Variants in EXOC2 observed in about 807,000 individuals in gnomAD.
The protein encoded by EXOC2 is SEC5-like 1.
Under a neutral mutation model 131.8 loss-of-function variants are expected in EXOC2, and 70 were observed. The ratio of observed to expected loss-of-function variants is 0.53; its 90% CI spans 0.44 to 0.65. The LOEUF (loss-of-function observed/expected upper bound fraction) is 0.65, where lower values mean the gene tolerates loss of function less well. Ranked by LOEUF, EXOC2 falls within the 30% of genes least tolerant of loss-of-function variation. EXOC2 has a pLI of 0.00. For missense variants in EXOC2, 923 were observed against 1,108.6 expected, an observed-to-expected ratio of 0.83 and a Z score of 2.38; for synonymous variants, 411 against 398.4, an observed-to-expected ratio of 1.03 and a Z score of -0.38.
Position 617,829 on chromosome 6 carries a change from C to T in EXOC2, c.543G>A (p.Glu181=), listed in dbSNP as rs756017439. ...GGTTGGTGACTGCCATTTTGAGCTG[C>T]TCAAAACTGAAATGAAATAAAGAAA... ...LIENHSNTSF[E]QLKMAVTNLK... The change falls in exon 6 of 28, where the codon GAG becomes GAA. Residue 181 remains glutamate, a synonymous_variant. Transcript: ENST00000230449. The T allele has an allele frequency of 5.0e-6, 8 of 1,610,944 alleles. No individual in the cohort carries two copies. The highest frequency in any genetic ancestry group is 6.8e-6 in the Non-Finnish European group (8 of 1,179,034).
At chr6:511,829 T>C (rs560425947) in intron 23 of EXOC2, among the ~76,000 whole-genome samples, 4 of 152,386 alleles carry the variant, frequency 2.6e-5, no homozygotes, top group South Asian at 4.1e-4. Flanking sequence ...TTGCTTGTTA[T>C]TTCTCTTGAG....
At chr6:516,598 C>A (rs1765178368) in intron 23 of EXOC2, among the ~76,000 whole-genome samples, 1 of 152,216 alleles carries the variant, frequency 6.6e-6, no homozygotes, top group South Asian at 2.1e-4. Context: ...AGAACAGCAA[C>A]AAATTCAGGG....
intron 22 of EXOC2, among the ~76,000 whole-genome samples, chr6:541,030 G>A (rs138399922): frequency 1.9e-3 from 283 of 152,264 alleles, no homozygotes; most frequent in Middle Eastern, 0.014. Context: ...TATCCAAAAC[G>A]TAAGGACACG....
At position 619,558 on chromosome 6, in the gene EXOC2, C is replaced by A. The variant is rs550173477; in HGVS notation, c.423-15G>T. 4 of 1,571,584 alleles carry A rather than the reference C, an allele frequency of 2.5e-6. No homozygotes were observed. The highest frequency in any genetic ancestry group is 1.1e-5 in the South Asian group (1 of 90,050). On this transcript the variant is annotated splice_polypyrimidine_tract_variant and intron_variant, in intron 4 of 27. Coordinates refer to ENST00000230449, the MANE Select transcript of EXOC2 (RefSeq NM_018303.6). ...AAAATTTACTTCTGAGGGGAAAAAA[C>A]GTTTAAAATATATTTCAATGGTTAT...
intron 23 of EXOC2, among the ~76,000 whole-genome samples, chr6:517,618 A>G (rs1306750447): frequency 6.6e-6 from 1 of 152,216 alleles, no homozygotes; most frequent in East Asian, 1.9e-4. Context: ...ACAATTACCA[A>G]TGGTGCTAAA....
intron 1 of EXOC2, among the ~76,000 whole-genome samples, chr6:687,447 T>G (rs1764715715): frequency 6.6e-6 from 1 of 152,080 alleles, no homozygotes; most frequent in African/African-American, 2.4e-5. Context: ...CCTCTCAAAG[T>G]GCTGGGATTA....
intron 11 of EXOC2, among the ~76,000 whole-genome samples, chr6:590,993 A>G (rs1296730663): frequency 6.6e-6 from 1 of 152,154 alleles, no homozygotes; most frequent in Non-Finnish European, 1.5e-5. Flanking sequence ...CAGTGGCACC[A>G]TCACCCTAAC....
At chr6:551,606 C>T (rs998167095) in intron 21 of EXOC2, among the ~76,000 whole-genome samples, 17 of 152,152 alleles carry the variant, frequency 1.1e-4, no homozygotes, top group Non-Finnish European at 2.2e-4. Context: ...ACCCCAAGTG[C>T]AGGGACACAG....
At chr6:689,932 A>C (rs577480494) in intron 1 of EXOC2, among the ~76,000 whole-genome samples, 4 of 152,370 alleles carry the variant, frequency 2.6e-5, no homozygotes, top group Admixed American at 2.6e-4. Flanking sequence ...CTCTGAATAC[A>C]CAAAAAAGGA....
intron 1 of EXOC2, among the ~76,000 whole-genome samples, chr6:658,649 ATATATATATATATATATTTT>A (rs1763258038): frequency 1.5e-5 from 1 of 68,278 alleles, no homozygotes; most frequent in Admixed American, 1.5e-4. Flanking sequence ...TATATTTTAT[ATATATATATATATATATTTT>A]TTTTTTTTTT....
chr6:555,413 G>T, intron 19 of EXOC2, 125 bp from the exon 20 acceptor site: 1 of 518,598 alleles, frequency 1.9e-6, no homozygotes, highest in Non-Finnish European at 3.4e-6. Context: ...GTGGTGTTGT[G>T]TGCATGTATG....
At chr6:596,304 G>A (rs1759816538) in intron 10 of EXOC2, among the ~76,000 whole-genome samples, 1 of 151,768 alleles carries the variant, frequency 6.6e-6, no homozygotes, top group Non-Finnish European at 1.5e-5. Flanking sequence ...ACAGGTCCAG[G>A]TGCGGATCTT....
intron 1 of EXOC2, chr6:656,619 C>A (rs1327109816): frequency 1.9e-6 from 3 of 1,601,922 alleles, no homozygotes; most frequent in Non-Finnish European, 1.7e-6. Flanking sequence ...GAGGGAGGGG[C>A]GGCGCTTGTG....
At chr6:531,879 T>C (rs1395388133) in intron 23 of EXOC2, among the ~76,000 whole-genome samples, 12 of 152,266 alleles carry the variant, frequency 7.9e-5, no homozygotes, top group Admixed American at 7.2e-4. Flanking sequence ...AAAAGTTTAC[T>C]TGATTCAGAA....
intron 13 of EXOC2, among the ~76,000 whole-genome samples, chr6:570,516 A>G (rs1213979438): frequency 6.6e-6 from 1 of 152,106 alleles, no homozygotes; most frequent in Non-Finnish European, 1.5e-5. Context: ...TCAGTCTACT[A>G]TTTTCTAATG....
At chr6:501,523 A>C (rs1764170819) in intron 23 of EXOC2, among the ~76,000 whole-genome samples, 1 of 4,154 alleles carries the variant, frequency 2.4e-4, no homozygotes, top group African/African-American at 9.6e-4. Flanking sequence ...ATATATCTAT[A>C]TATATTATAT....
chr6:648,788 C>G (rs771924025), intron 1 of EXOC2, among the ~76,000 whole-genome samples: 21 of 149,102 alleles, frequency 1.4e-4, no homozygotes, highest in Non-Finnish European at 2.7e-4. Context: ...GTAGCGTGAC[C>G]ACGGCTCACT....
chr6:600,609 G>T (rs946445514), intron 7 of EXOC2, among the ~76,000 whole-genome samples: 4 of 151,674 alleles, frequency 2.6e-5, no homozygotes, highest in African/African-American at 9.7e-5. Context: ...TGAAATTTGG[G>T]GCAAAAAGTA....
At chr6:560,483 G>A (rs1337245039) in intron 17 of EXOC2, among the ~76,000 whole-genome samples, 1 of 152,116 alleles carries the variant, frequency 6.6e-6, no homozygotes, top group Non-Finnish European at 1.5e-5. Context: ...AACCCATAAA[G>A]TCAATTTTCA....
Sources: allele counts gnomAD v4.1 joint callset (sites outside exome capture counted in the v4.1 genomes callset), GRCh38; gene constraint gnomAD v4.1.1; transcripts MANE v1.5; gene names NCBI Gene and HGNC (gene_info 2026-07-23, HGNC 2026-07-21).